The following CCSER1 variants were observed in gnomAD, a reference collection of about 807,000 sequenced individuals.
CCSER1 encodes coiled-coil serine rich protein 1, also known as serine-rich coiled-coil domain-containing protein 1.
A neutral mutation model predicts 82.0 loss-of-function variants in CCSER1; 41 were observed. That is an observed-to-expected ratio of 0.50 (90% CI 0.39 to 0.65). CCSER1 has a LOEUF of 0.65. CCSER1 is among the 30% of genes least tolerant of loss of function. The probability of loss-of-function intolerance (pLI) is 0.00; values close to 1 mark genes in which losing one functional copy is unlikely to be tolerated. For missense variants in CCSER1, 1,119 were observed against 1,064.2 expected (o/e 1.05, Z -0.72); for synonymous variants, 414 against 383.9 (o/e 1.08, Z -0.92).
At chr4:91,424,105 T>C (rs545906212) in intron 10 of CCSER1, among the ~76,000 whole-genome samples, 1 of 140,332 alleles carries the variant, frequency 7.1e-6, no homozygotes, top group East Asian at 2.3e-4. Flanking sequence ...CAAGCTCCGC[T>C]TCCCGGGTTC....
intron 10 of CCSER1, among the ~76,000 whole-genome samples, chr4:91,355,872 A>G (rs985904963): frequency 2.6e-5 from 4 of 152,184 alleles, no homozygotes; most frequent in African/African-American, 7.2e-5. Flanking sequence ...TACACAGTTA[A>G]TGTTTCACTG....
At chr4:90,426,676 T>C (rs1370374725) in intron 4 of CCSER1, among the ~76,000 whole-genome samples, 2 of 152,200 alleles carry the variant, frequency 1.3e-5, no homozygotes, top group Non-Finnish European at 2.9e-5. Context: ...TACAGCTTTG[T>C]TTATAACTTG....
intron 10 of CCSER1, among the ~76,000 whole-genome samples, chr4:91,159,730 G>T (rs1479003276): frequency 6.6e-6 from 1 of 151,850 alleles, no homozygotes; most frequent in Admixed American, 6.6e-5. Context: ...ACTGTTGTGT[G>T]TGAATATAAA....
At chr4:91,208,508 G>A (rs773306908) in intron 10 of CCSER1, among the ~76,000 whole-genome samples, 3 of 151,738 alleles carry the variant, frequency 2.0e-5, no homozygotes, top group Non-Finnish European at 4.4e-5. Context: ...GCTTGCTTTT[G>A]CTAGTTTTGT....
chr4:91,187,545 T>TTC (rs386400804), intron 10 of CCSER1, among the ~76,000 whole-genome samples: 1 of 14,064 alleles, frequency 7.1e-5, no homozygotes, highest in Non-Finnish European at 3.0e-4. Flanking sequence ...AATAAATTTG[T>TTC]TTTTTTTTTA....
intron 6 of CCSER1, among the ~76,000 whole-genome samples, chr4:90,660,117 T>C (rs889740914): frequency 3.3e-5 from 5 of 152,000 alleles, no homozygotes; most frequent in Non-Finnish European, 7.4e-5. Flanking sequence ...TAGGAAACAG[T>C]ATGGCAATTT....
At chr4:91,430,266 T>C (rs1754217435) in intron 10 of CCSER1, among the ~76,000 whole-genome samples, 1 of 152,188 alleles carries the variant, frequency 6.6e-6, no homozygotes, top group Non-Finnish European at 1.5e-5. Flanking sequence ...TTTAAACTTG[T>C]GCCTGTGTGT....
chr4:91,504,552 T>A (rs2110100687), intron 10 of CCSER1, among the ~76,000 whole-genome samples: 1 of 152,246 alleles, frequency 6.6e-6, no homozygotes, highest in South Asian at 2.1e-4. Flanking sequence ...TTTCATTATA[T>A]CATCACATAT....
Position 91,598,643 on chromosome 4 carries a change from C to G in CCSER1, c.2289C>G (p.Thr763=), listed in dbSNP as rs777138277. 1.3e-6 allele frequency: 2 copies of G among 1,551,434 alleles called. No individual in the cohort carries two copies. ...ACAGAAAAGCAATACATACTCCCACCGAGGACCGTTTTAGGTATTCGGCAG... is the reference window on the plus strand; with the variant it reads ...ACAGAAAAGCAATACATACTCCCACGGAGGACCGTTTTAGGTATTCGGCAG... ...TRDRKAIHTP[T]EDRFRYSAAD... Residue 763 remains threonine, a synonymous_variant, in exon 11 of 11, where the codon ACC becomes ACG. Coordinates refer to ENST00000509176, the MANE Select transcript of CCSER1 (RefSeq NM_001145065.2).
rs999531559 is a variant in CCSER1, at chr4:91,127,386, C to T, written c.2217+41392C>T. ...GTAGAGACCATGTGCCAAATAATCA[C>T]CTCCCCTCGTTTGTCATTCTGCTGC... On this transcript the variant is annotated intron_variant, in intron 10 of 10. Transcript: ENST00000509176. Among the ~76,000 whole-genome samples, 3 of 152,050 alleles carry T rather than the reference C, an allele frequency of 2.0e-5. No individual in the cohort carries two copies. The East Asian group carries it at 5.8e-4, about 29-fold the overall frequency.
At chr4:90,213,539 G>C (rs1740430060) in intron 1 of CCSER1, among the ~76,000 whole-genome samples, 1 of 152,124 alleles carries the variant, frequency 6.6e-6, no homozygotes, top group African/African-American at 2.4e-5. Flanking sequence ...CCTGGCAGAG[G>C]GGTGTACATA....
At chr4:90,710,272 T>C (rs1560992939) in intron 6 of CCSER1, among the ~76,000 whole-genome samples, 2 of 152,166 alleles carry the variant, frequency 1.3e-5, no homozygotes, top group Non-Finnish European at 2.9e-5. Context: ...GATAGTTTTT[T>C]GTTGTTGTTG....
intron 10 of CCSER1, among the ~76,000 whole-genome samples, chr4:91,224,286 A>G (rs1737981846): frequency 6.6e-6 from 1 of 152,136 alleles, no homozygotes; most frequent in Non-Finnish European, 1.5e-5. Flanking sequence ...ATACAAAAGT[A>G]TGCAGCACTT....
intron 6 of CCSER1, among the ~76,000 whole-genome samples, chr4:90,711,911 G>T (rs1413111302): frequency 6.6e-6 from 1 of 151,914 alleles, no homozygotes; most frequent in Non-Finnish European, 1.5e-5. Flanking sequence ...AATGGTAAAA[G>T]CTTTTCTTTG....
intron 10 of CCSER1, among the ~76,000 whole-genome samples, chr4:91,448,089 C>A (rs1328047039): frequency 6.6e-6 from 1 of 152,166 alleles, no homozygotes; most frequent in East Asian, 1.9e-4. Context: ...AGGATAAAAG[C>A]ATGAATTGAA....
chr4:90,441,610 G>A (rs1011170129), intron 4 of CCSER1, among the ~76,000 whole-genome samples: 1 of 152,054 alleles, frequency 6.6e-6, no homozygotes, highest in African/African-American at 2.4e-5. Context: ...AGAATTTGGG[G>A]GTGGTGACAC....
At position 91,375,039 on chromosome 4, in the gene CCSER1, T is replaced by C. The variant is rs531498453; in HGVS notation, c.2218-223533T>C. Among the ~76,000 whole-genome samples the C allele has an allele frequency of 4.6e-5, 7 of 152,258 alleles. 1 individual carries two copies. The highest frequency in any genetic ancestry group is 1.3e-4 in the Admixed American group (2 of 15,272). On this transcript the variant is annotated intron_variant, in intron 10 of 10. Transcript: ENST00000509176. ...TTTGTAAGGCTATAGCTGCCATCAA[T>C]AGTGATTGCTCTGTTAGACATGGTA...
At chr4:91,278,981 T>G (rs1261082671) in intron 10 of CCSER1, among the ~76,000 whole-genome samples, 1 of 152,198 alleles carries the variant, frequency 6.6e-6, no homozygotes, top group Non-Finnish European at 1.5e-5. Context: ...CAGCTTTTGC[T>G]GACCTGGGAA....
chr4:91,168,974 T>G (rs1420294208), intron 10 of CCSER1, among the ~76,000 whole-genome samples: 5 of 152,058 alleles, frequency 3.3e-5, no homozygotes, highest in Non-Finnish European at 7.4e-5. Context: ...CAAGATGTGC[T>G]TTGTTAAACA....
Sources: gnomAD v4.1 joint callset for allele counts (sites outside exome capture counted in the v4.1 genomes callset) on GRCh38, gnomAD v4.1.1 for gene constraint, MANE v1.5 for transcripts, NCBI Gene and HGNC (gene_info 2026-07-23, HGNC 2026-07-21) for gene names.